Variants in DNAH3 observed in about 807,000 individuals in gnomAD.
DNAH3 encodes the protein dynein axonemal heavy chain 3.
In DNAH3, 332 loss-of-function variants were observed where a neutral mutation model predicts 432.5. The ratio of observed to expected loss-of-function variants is 0.77; its 90% CI spans 0.70 to 0.84. The LOEUF is 0.84. Among genes scored for constraint, DNAH3 ranks in the 40% least tolerant of loss-of-function variants. The pLI is 0.00. For synonymous variants in DNAH3, 1,956 were observed against 1,900.2 expected (o/e 1.03, Z -0.76); for missense variants, 4,861 against 5,114.0 (o/e 0.95, Z 1.51).
At chr16:21,153,591 T>C (rs116700442) in intron 1 of DNAH3, among the ~76,000 whole-genome samples, 1,713 of 152,272 alleles carry the variant, frequency 0.011, 47 homozygotes, top group African/African-American at 0.04. Flanking sequence ...AGGTTTGTTC[T>C]TTCACTGTTT....
At chr16:21,042,339 C>T in intron 31 of DNAH3, 136 bp from the exon 32 acceptor site, 1 of 819,650 alleles carries the variant, frequency 1.2e-6, no homozygotes, top group East Asian at 2.6e-5. Context: ...AAATTAGGAG[C>T]ATGATTTGGG....
At chr16:20,969,048 T>G (rs1198077325) in intron 52 of DNAH3, among the ~76,000 whole-genome samples, 1 of 151,888 alleles carries the variant, frequency 6.6e-6, no homozygotes. Context: ...GCATCTCACT[T>G]GTGCATGCAA....
chr16:21,058,558 C>T (rs2090219215), intron 26 of DNAH3, among the ~76,000 whole-genome samples: 2 of 152,086 alleles, frequency 1.3e-5, no homozygotes, highest in African/African-American at 4.8e-5. Context: ...GCTGTTTCTC[C>T]ACCCCACAAT....
chr16:20,951,733 C>A (rs2084322157), intron 56 of DNAH3, among the ~76,000 whole-genome samples: 2 of 147,826 alleles, frequency 1.4e-5, no homozygotes, highest in South Asian at 2.1e-4. Context: ...CTGCGCCTGG[C>A]CCGTATTTTT....
chr16:21,155,433 C>G (rs966467027), intron 1 of DNAH3, among the ~76,000 whole-genome samples: 1 of 151,808 alleles, frequency 6.6e-6, no homozygotes, highest in Admixed American at 6.5e-5. Context: ...ACCAGCCTGA[C>G]CAACATGGTG....
chr16:20,973,316 G>A (rs566821591), intron 51 of DNAH3, among the ~76,000 whole-genome samples: 6 of 151,758 alleles, frequency 4.0e-5, no homozygotes, highest in Admixed American at 6.6e-5. Flanking sequence ...GCATTGGTGC[G>A]ATCTCAACGC....
intron 25 of DNAH3, among the ~76,000 whole-genome samples, chr16:21,062,276 A>C (rs920414940): frequency 3.2e-4 from 48 of 152,146 alleles, no homozygotes; most frequent in African/African-American, 1.1e-3. Context: ...TGTCATGTGG[A>C]TTGCAGTGGA....
At chr16:21,066,148 T>C (rs1292534576) in intron 24 of DNAH3, among the ~76,000 whole-genome samples, 3 of 151,606 alleles carry the variant, frequency 2.0e-5, no homozygotes, top group Non-Finnish European at 2.9e-5. Flanking sequence ...TTCTAACAAA[T>C]CATTTTTTGT....
intron 54 of DNAH3, among the ~76,000 whole-genome samples, chr16:20,955,782 G>A (rs963979100): frequency 9.9e-5 from 15 of 152,038 alleles, no homozygotes; most frequent in African/African-American, 3.1e-4. Context: ...AAATGCAAGT[G>A]TATCTATGCC....
intron 50 of DNAH3, among the ~76,000 whole-genome samples, chr16:20,977,391 C>CAAAA (rs1467440851): frequency 1.3e-5 from 2 of 152,014 alleles, no homozygotes. Flanking sequence ...AAAACAAAAA[C>CAAAA]AAACAAACAA....
chr16:21,152,808 C>T (rs973048666), intron 1 of DNAH3, among the ~76,000 whole-genome samples: 1 of 152,274 alleles, frequency 6.6e-6, no homozygotes, highest in Non-Finnish European at 1.5e-5. Flanking sequence ...CGCTCCATTT[C>T]TCACCGGGCC....
Position 21,058,089 on chromosome 16 carries a change from TA to T in DNAH3, c.3920del (p.Leu1307TyrfsTer5). The T allele has an allele frequency of 6.4e-7, 1 of 1,568,798 alleles. No homozygotes were observed. The highest frequency in any genetic ancestry group is 8.8e-7 in the Non-Finnish European group (1 of 1,138,750). On this transcript the variant is annotated frameshift_variant, in exon 27 of 62. Transcript: ENST00000261383. LOFTEE classifies it high-confidence loss of function. The stretch of plus-strand genomic sequence containing the variant: ...ACTTTGCAGCAAGTTCACTTACCAG[TA>T]AGGTATTTTCCGCCAGGGCTTGGGA...
At chr16:21,080,571 G>A (rs1435434136) in intron 20 of DNAH3, among the ~76,000 whole-genome samples, 1 of 152,190 alleles carries the variant, frequency 6.6e-6, no homozygotes, top group Non-Finnish European at 1.5e-5. Context: ...GTGGCCAGTG[G>A]ATGCTGCTTT....
At chr16:21,054,437 G>A (rs374637987) in exon 28 of DNAH3, 28 of 1,613,830 alleles carry the variant, frequency 1.7e-5, no homozygotes, top group Middle Eastern at 3.3e-4. Flanking sequence ...ATCGATGACC[G>A]TGAGGGCCCC....
At chr16:21,020,242 G>A (rs1286522459) in intron 40 of DNAH3, among the ~76,000 whole-genome samples, 3 of 147,702 alleles carry the variant, frequency 2.0e-5, no homozygotes, top group Non-Finnish European at 4.5e-5. Flanking sequence ...GGCTGGTCTC[G>A]AACTCCTGAG....
At chr16:21,139,835 A>G (rs987746053) in intron 5 of DNAH3, among the ~76,000 whole-genome samples, 2 of 126,782 alleles carry the variant, frequency 1.6e-5, no homozygotes, top group African/African-American at 6.2e-5. Flanking sequence ...GCCGAAGTGC[A>G]GTGGCTCAAT....
chr16:20,965,343 G>T (rs147090823), exon 53 of DNAH3: 1 of 1,599,954 alleles, frequency 6.3e-7, no homozygotes, highest in Non-Finnish European at 8.5e-7. Flanking sequence ...TGTTGTCTTT[G>T]TCATATGTCT....
chr16:21,098,487 G>T, intron 17 of DNAH3, 129 bp downstream of exon 17: 86 of 622,534 alleles, frequency 1.4e-4, no homozygotes, highest in Non-Finnish European at 2.0e-4. Flanking sequence ...ACCAATGAAA[G>T]AACTGGCCAA....
chr16:20,952,768 A>G (rs915186169), intron 55 of DNAH3, among the ~76,000 whole-genome samples: 1 of 151,778 alleles, frequency 6.6e-6, no homozygotes, highest in East Asian at 1.9e-4. Flanking sequence ...TTCCTTATAT[A>G]CCTCCCCATT....
Sources: allele counts gnomAD v4.1 joint callset (sites outside exome capture counted in the v4.1 genomes callset), GRCh38; gene constraint gnomAD v4.1.1; transcripts MANE v1.5; gene names NCBI Gene and HGNC (gene_info 2026-07-23, HGNC 2026-07-21).